Variants in PLEKHM2 observed in about 807,000 individuals in gnomAD.
PLEKHM2 encodes pleckstrin homology and RUN domain containing M2, also known as pleckstrin homology domain-containing family M member 2.
In PLEKHM2, 77 loss-of-function variants were observed where a neutral mutation model predicts 116.3. That is an observed-to-expected ratio of 0.66 (90% CI 0.55 to 0.80). The LOEUF (loss-of-function observed/expected upper bound fraction) is 0.80, where lower values mean the gene tolerates loss of function less well. PLEKHM2 is among the 30% of genes least tolerant of loss of function. The probability of loss-of-function intolerance (pLI) is 0.00; values close to 1 mark genes in which losing one functional copy is unlikely to be tolerated. For missense variants in PLEKHM2, 1,183 were observed against 1,354.9 expected, an observed-to-expected ratio of 0.87 and a Z score of 1.99; for synonymous variants, 562 against 571.0, an observed-to-expected ratio of 0.98 and a Z score of 0.22.
At position 15,729,718 on chromosome 1, in the gene PLEKHM2, A is replaced by T; in HGVS notation, c.2076-79A>T. The stretch of plus-strand genomic sequence containing the variant: ...CAAGTTTCTGTGACCCCTCCAGGCC[A>T]GCAGCGCTCAAGACTAAGCCCTGTC... On this transcript the variant is annotated intron_variant, in intron 13 of 19. Coordinates refer to ENST00000375799, the MANE Select transcript of PLEKHM2 (RefSeq NM_015164.4). This position sits in a 1 kb window ranked among gnomAD's most constrained non-coding sequence, Gnocchi z 4.7. The T allele has an allele frequency of 4.5e-6, 6 of 1,325,756 alleles. No individual in the cohort carries two copies. The highest frequency in any genetic ancestry group is 6.2e-6 in the Non-Finnish European group (6 of 962,238). The allele number at this position is 1,325,756 out of a possible 1,614,324, so 82.1% of individuals were successfully genotyped here.
intron 1 of PLEKHM2, 42 bp from the exon 2 acceptor site, chr1:15,716,195 C>T (rs1322668879): frequency 8.1e-7 from 1 of 1,240,042 alleles, no homozygotes; most frequent in Admixed American, 2.1e-5. Flanking sequence ...TAGCCTTCCT[C>T]TTAATCCATT....
chr1:15,722,536 G>A (rs2068009064), intron 7 of PLEKHM2, among the ~76,000 whole-genome samples: 1 of 152,176 alleles, frequency 6.6e-6, no homozygotes, highest in Admixed American at 6.5e-5. Context: ...AACAGGGGAG[G>A]TGAGAACTGC....
At chr1:15,720,716 C>T (rs1281182503) in intron 6 of PLEKHM2, 1 of 152,306 alleles carries the variant, frequency 6.6e-6, no homozygotes, top group Admixed American at 6.5e-5. Flanking sequence ...AGACCTTGAC[C>T]TTCCCCTTTC....
Position 15,729,709 on chromosome 1 carries a change from C to T in PLEKHM2, c.2076-88C>T. On this transcript the variant is annotated intron_variant, in intron 13 of 19. Transcript: ENST00000375799. This position sits in a 1 kb window ranked among gnomAD's most constrained non-coding sequence, Gnocchi z 4.7. ...TCTCTCCCCCAAGTTTCTGTGACCC[C>T]TCCAGGCCAGCAGCGCTCAAGACTA... is the stretch of plus-strand genomic sequence containing the variant. The T allele has an allele frequency of 7.9e-7, 1 of 1,273,886 alleles. No homozygotes were observed. The highest frequency in any genetic ancestry group is 1.1e-6 in the Non-Finnish European group (1 of 920,106). The allele number at this position is 1,273,886 out of a possible 1,614,324, so 78.9% of individuals were successfully genotyped here. A position where few individuals can be genotyped will look rare whatever the true frequency, so the allele number is the denominator to read the frequency against.
intron 8 of PLEKHM2, 29 bp from the exon 9 acceptor site, chr1:15,726,985 T>TA (rs1428619419): frequency 2.1e-6 from 3 of 1,419,418 alleles, no homozygotes; most frequent in Non-Finnish European, 1.9e-6. Flanking sequence ...ACTCAGGGGT[T>TA]AACACTCTCC....
chr1:15,725,624 G>C (rs994406134), intron 8 of PLEKHM2, 79 bp downstream of exon 8: 3 of 1,038,376 alleles, frequency 2.9e-6, no homozygotes, highest in Non-Finnish European at 4.3e-6. Context: ...TGTTCATCCA[G>C]GGCAGACCGG....
intron 1 of PLEKHM2, among the ~76,000 whole-genome samples, chr1:15,703,687 C>T (rs184763967): frequency 6.6e-6 from 1 of 152,288 alleles, no homozygotes; most frequent in East Asian, 1.9e-4. Flanking sequence ...ACAGAGAAGG[C>T]CGGGCTGTGG....
At position 15,727,013 on chromosome 1, in the gene PLEKHM2, G is replaced by A; in HGVS notation, c.942-1G>A. ...CACTCTCCCCGTCGTTACTGTCCCA[G>A]GGTCACCAAGAAGAAGAAAATTGGC... On this transcript the variant is annotated splice_acceptor_variant, in intron 8 of 19. Transcript: ENST00000375799. LOFTEE classifies it high-confidence loss of function. The surrounding 1 kb of genome is among the most constrained non-coding windows in gnomAD (Gnocchi z 7.5). The A allele has an allele frequency of 1.4e-6, 2 of 1,468,868 alleles. No homozygotes were observed. Among genetic ancestry groups the A allele is most frequent in the Non-Finnish European group, 1.8e-6 (2 of 1,108,924 alleles). 91.0% of individuals were successfully genotyped at this position (1,468,868 alleles called of 1,614,324 possible).
intron 1 of PLEKHM2, among the ~76,000 whole-genome samples, chr1:15,685,541 GAAAAA>G (rs200301672): frequency 1.4e-5 from 1 of 73,508 alleles, no homozygotes; most frequent in Non-Finnish European, 2.8e-5. Context: ...CTCAGAAACT[GAAAAA>G]AAAAAAAAAA....
chr1:15,709,303 G>A (rs898454701), intron 1 of PLEKHM2, among the ~76,000 whole-genome samples: 4 of 152,158 alleles, frequency 2.6e-5, no homozygotes, highest in African/African-American at 9.7e-5. Flanking sequence ...ATTCTGTTCT[G>A]GGGTCCTCAT....
chr1:15,711,747 T>A (rs1363241801), intron 1 of PLEKHM2, among the ~76,000 whole-genome samples: 2 of 151,980 alleles, frequency 1.3e-5, no homozygotes, highest in Non-Finnish European at 2.9e-5. Flanking sequence ...GGCAAAAAAA[T>A]GACAAGTGAA....
chr1:15,687,267 C>T (rs915972288), intron 1 of PLEKHM2, among the ~76,000 whole-genome samples: 4 of 151,872 alleles, frequency 2.6e-5, no homozygotes, highest in East Asian at 1.9e-4. Flanking sequence ...CTCAGGTTCA[C>T]GCCATTCTCC....
intron 1 of PLEKHM2, among the ~76,000 whole-genome samples, chr1:15,699,087 G>A (rs1003274906): frequency 6.6e-6 from 1 of 152,084 alleles, no homozygotes; most frequent in African/African-American, 2.4e-5. Context: ...GATTTTAGGA[G>A]GCCAAGGCAG....
At chr1:15,711,778 CG>C (rs34936981) in intron 1 of PLEKHM2, among the ~76,000 whole-genome samples, 3 of 151,900 alleles carry the variant, frequency 2.0e-5, no homozygotes, top group East Asian at 1.9e-4. Context: ...CAATTGATAA[CG>C]GGGGGGAAAA....
chr1:15,710,889 C>T lies in PLEKHM2; in HGVS notation c.61-5348C>T, dbSNP rs558939473. Among the ~76,000 whole-genome samples the T allele has an allele frequency of 7.9e-5, 12 of 152,266 alleles. No homozygotes were observed. In the East Asian group the frequency reaches 1.2e-3, roughly 15 times the overall value. On this transcript the variant is annotated intron_variant, in intron 1 of 19. Transcript: ENST00000375799. The stretch of plus-strand genomic sequence containing the variant: ...GACCATTAATTAACATTAATAAATA[C>T]GAGGGCTGGGTGCCGTGGCTCATGC...
At chr1:15,718,680 G>T (rs2148359743) in intron 5 of PLEKHM2, 55 bp downstream of exon 5, 2 of 849,362 alleles carry the variant, frequency 2.4e-6, no homozygotes, top group East Asian at 2.7e-5. Flanking sequence ...GGCAGGGTGG[G>T]GGCAGGGTGG....
chr1:15,715,453 C>G (rs994691633), intron 1 of PLEKHM2, among the ~76,000 whole-genome samples: 1 of 152,146 alleles, frequency 6.6e-6, no homozygotes, highest in Non-Finnish European at 1.5e-5. Context: ...ACCAGCCTGG[C>G]CAACATGGCG....
At chr1:15,687,740 A>G (rs1205452833) in intron 1 of PLEKHM2, among the ~76,000 whole-genome samples, 7 of 152,196 alleles carry the variant, frequency 4.6e-5, no homozygotes, top group African/African-American at 1.7e-4. Context: ...TAGTTTGGCT[A>G]CAGCAGTAGA....
intron 1 of PLEKHM2, among the ~76,000 whole-genome samples, chr1:15,703,338 C>A (rs577216000): frequency 9.6e-4 from 126 of 130,870 alleles, no homozygotes; most frequent in Non-Finnish European, 8.4e-4. Context: ...GCCATCTGTC[C>A]AGCCTCTCCT....
Sources: allele counts gnomAD v4.1 joint callset (sites outside exome capture counted in the v4.1 genomes callset), GRCh38; gene constraint gnomAD v4.1.1; non-coding constraint Gnocchi (gnomAD v3.1); transcripts MANE v1.5; gene names NCBI Gene and HGNC (gene_info 2026-07-23, HGNC 2026-07-21).